The following NME7 variants were observed in gnomAD, a reference collection of about 807,000 sequenced individuals.
The protein encoded by NME7 is nucleoside diphosphate kinase 7.
Under a neutral mutation model 49.1 loss-of-function variants are expected in NME7, and 41 were observed. That is an observed-to-expected ratio of 0.83 (90% CI 0.65 to 1.08). The LOEUF is 1.08. NME7 is among the 50% of genes least tolerant of loss of function. NME7 has a pLI of 0.00. For synonymous variants in NME7, 139 were observed against 150.6 expected (o/e 0.92, Z 0.56); for missense variants, 423 against 463.4 (o/e 0.91, Z 0.80).
chr1:169,243,525 T>C (rs1032928994), intron 7 of NME7, among the ~76,000 whole-genome samples: 9 of 152,190 alleles, frequency 5.9e-5, no homozygotes, highest in African/African-American at 2.2e-4. Flanking sequence ...ACTCCCAATG[T>C]GATAAAGGTA....
At chr1:169,330,261 C>T (rs1033129727) in intron 1 of NME7, among the ~76,000 whole-genome samples, 5 of 152,146 alleles carry the variant, frequency 3.3e-5, no homozygotes. Context: ...AGGTAAAAAA[C>T]TCACTGGTAA....
At chr1:169,348,562 A>G (rs1325087770) in intron 1 of NME7, among the ~76,000 whole-genome samples, 1 of 152,176 alleles carries the variant, frequency 6.6e-6, no homozygotes, top group Non-Finnish European at 1.5e-5. Flanking sequence ...ATTAAAATTA[A>G]TAAGCAACTA....
intron 7 of NME7, among the ~76,000 whole-genome samples, chr1:169,268,167 C>A (rs918701255): frequency 8.2e-5 from 11 of 133,572 alleles, no homozygotes; most frequent in African/African-American, 2.8e-4. Flanking sequence ...GACACACATG[C>A]AGCCAACAAC....
chr1:169,260,361 C>A (rs74125221), intron 7 of NME7, among the ~76,000 whole-genome samples: 1 of 133,326 alleles, frequency 7.5e-6, no homozygotes. Context: ...CTTTAGAAAT[C>A]GTCCCTCTTT....
intron 5 of NME7, among the ~76,000 whole-genome samples, chr1:169,301,388 A>T (rs1263452284): frequency 6.6e-6 from 1 of 152,204 alleles, no homozygotes; most frequent in African/African-American, 2.4e-5. Flanking sequence ...ATTTCACACC[A>T]GTCAGAATGG....
chr1:169,148,205 G>A lies in NME7; in HGVS notation c.1099-15388C>T, dbSNP rs115860315. On this transcript the variant is annotated intron_variant, in intron 11 of 11. Coordinates refer to ENST00000367811, the MANE Select transcript of NME7 (RefSeq NM_013330.5). ...TTTTGTAGAGCCAAGATTTTGCCAC[G>A]TTGGCCAGACTGGTCTCAAACTCCT... Among the ~76,000 whole-genome samples, 858 of 152,160 alleles carry A rather than the reference G, an allele frequency of 5.6e-3. 10 individuals are homozygous for A. The highest frequency in any genetic ancestry group is 0.018 in the Admixed American group (276 of 15,284).
intron 7 of NME7, among the ~76,000 whole-genome samples, chr1:169,251,305 T>G (rs1465620448): frequency 1.3e-5 from 2 of 152,110 alleles, no homozygotes; most frequent in African/African-American, 4.8e-5. Flanking sequence ...CCTGCTCACT[T>G]TTGGTTTCCA....
intron 1 of NME7, among the ~76,000 whole-genome samples, chr1:169,343,016 C>CATAT (rs1377546794): frequency 4.6e-5 from 5 of 107,612 alleles, no homozygotes; most frequent in Non-Finnish European, 1.9e-5. Flanking sequence ...TATATATATG[C>CATAT]ATATATATAT....
chr1:169,146,859 T>C (rs1658770062), intron 11 of NME7, among the ~76,000 whole-genome samples: 1 of 152,212 alleles, frequency 6.6e-6, no homozygotes, highest in Admixed American at 6.5e-5. Context: ...AACAGAAGTA[T>C]GTATAAGGAC....
chr1:169,358,614 T>C (rs1020766954), intron 1 of NME7, among the ~76,000 whole-genome samples: 5 of 152,094 alleles, frequency 3.3e-5, no homozygotes, highest in South Asian at 2.1e-4. Flanking sequence ...AAACAATAAT[T>C]ACAAAGAAAT....
chr1:169,299,698 C>T (rs530161541), intron 5 of NME7, among the ~76,000 whole-genome samples: 138 of 152,190 alleles, frequency 9.1e-4, no homozygotes, highest in African/African-American at 3.1e-3. Context: ...CCCCTCAGTA[C>T]TTCCTTTTTA....
At chr1:169,154,789 C>T (rs942342021) in intron 11 of NME7, among the ~76,000 whole-genome samples, 3 of 148,082 alleles carry the variant, frequency 2.0e-5, no homozygotes, top group Admixed American at 6.7e-5. Flanking sequence ...CAGAGCAAGA[C>T]TCTGTCTAAA....
intron 6 of NME7, among the ~76,000 whole-genome samples, chr1:169,295,480 T>A (rs902806938): frequency 2.6e-5 from 4 of 152,198 alleles, no homozygotes; most frequent in Admixed American, 2.0e-4. Context: ...TTATAATGCT[T>A]TAAAATATGA....
chr1:169,332,083 T>C (rs749936882), intron 1 of NME7, among the ~76,000 whole-genome samples: 15 of 152,218 alleles, frequency 9.9e-5, no homozygotes, highest in African/African-American at 3.6e-4. Flanking sequence ...TACAGAGCTA[T>C]AGTAACCCAA....
Position 169,169,545 on chromosome 1 carries a change from G to C in NME7, c.1000C>G (p.Arg334Gly). 3 of 1,613,652 alleles carry C rather than the reference G, an allele frequency of 1.9e-6. No individual in the cohort carries two copies. The highest frequency in any genetic ancestry group is 2.5e-6 in the Non-Finnish European group (3 of 1,179,736). ...FCGPADPEIA[R>G]HLRPGTLRAI... ...CTGAGAGTTCCAGGGCGTAAATGCC[G>C]GGCAATTTCCTATTAAACATACATT... Residue 334 changes from arginine (R) to glycine (G), a missense_variant, in exon 11 of 12, where the codon CGG becomes GGG. Coordinates refer to ENST00000367811, the MANE Select transcript of NME7 (RefSeq NM_013330.5).
intron 1 of NME7, among the ~76,000 whole-genome samples, chr1:169,363,617 C>A (rs1220234210): frequency 2.0e-5 from 3 of 152,186 alleles, no homozygotes; most frequent in African/African-American, 7.2e-5. Flanking sequence ...ACTGCAGCCA[C>A]CCCTGCACCA....
At chr1:169,301,002 C>T (rs12129132) in intron 5 of NME7, among the ~76,000 whole-genome samples, 36,709 of 151,966 alleles carry the variant, frequency 0.24, 5,468 homozygotes, top group Non-Finnish European at 0.34. Flanking sequence ...ACCTAGGAAA[C>T]ACCATTCTGG....
intron 11 of NME7, among the ~76,000 whole-genome samples, chr1:169,139,616 T>A (rs1336335421): frequency 6.6e-6 from 1 of 152,230 alleles, no homozygotes; most frequent in African/African-American, 2.4e-5. Context: ...TGGAAGACAT[T>A]TAAAATAGTG....
rs1241775250 is a variant in NME7 at position 169,225,357 on chromosome 1, C to T, written c.990+5361G>A. On this transcript the variant is annotated intron_variant, in intron 10 of 11. Coordinates refer to ENST00000367811, the MANE Select transcript of NME7 (RefSeq NM_013330.5). ...CTCCTGACCTCAAGTGATCTGCCTA[C>T]CTCAGCCTTCCAAAGTGCTGGGATA... 1.1e-4 allele frequency among the ~76,000 whole-genome samples: 17 copies of T among 152,300 alleles called. No individual in the cohort carries two copies. The East Asian group carries it at 3.3e-3, about 29-fold the overall frequency.
Sources: allele counts gnomAD v4.1 joint callset (sites outside exome capture counted in the v4.1 genomes callset), GRCh38; gene constraint gnomAD v4.1.1; transcripts MANE v1.5; gene names NCBI Gene and HGNC (gene_info 2026-07-23, HGNC 2026-07-21).